The following TACR1 variants were observed in gnomAD, a reference collection of about 807,000 sequenced individuals.
TACR1 encodes the protein tachykinin receptor 1.
In TACR1, 25 loss-of-function variants were observed where a neutral mutation model predicts 35.8. That is an observed-to-expected ratio of 0.70 (90% CI 0.51 to 0.98). The LOEUF (loss-of-function observed/expected upper bound fraction) is 0.98, where lower values mean the gene tolerates loss of function less well. TACR1 is among the 50% of genes least tolerant of loss of function. TACR1 has a pLI of 0.00. For synonymous variants in TACR1, 195 were observed against 206.7 expected (o/e 0.94, Z 0.48); for missense variants, 478 against 522.9 (o/e 0.91, Z 0.84).
intron 2 of TACR1, among the ~76,000 whole-genome samples, chr2:75,079,174 C>T (rs1395928802): frequency 6.6e-6 from 1 of 152,150 alleles, no homozygotes; most frequent in South Asian, 2.1e-4. Context: ...TAATTTTGCT[C>T]TCTGGAGCAA....
At position 75,073,342 on chromosome 2, in the gene TACR1, A is replaced by G. The variant is rs1341302366; in HGVS notation, c.585-19587T>C. 6.6e-5 allele frequency among the ~76,000 whole-genome samples: 10 copies of G among 152,342 alleles called. No homozygotes were observed. In the South Asian group the frequency reaches 1.7e-3, roughly 25 times the overall value. On this transcript the variant is annotated intron_variant, in intron 2 of 4. Transcript: ENST00000305249. The stretch of plus-strand genomic sequence containing the variant: ...ATTCTCACACAGTCACTTTATTTCT[A>G]AGAGGAGAAGAATGGAGTAGTAGGT...
chr2:75,085,420 T>C (rs190377870), intron 2 of TACR1, among the ~76,000 whole-genome samples: 96 of 152,316 alleles, frequency 6.3e-4, no homozygotes, highest in African/African-American at 2.2e-3. Context: ...AATTGGTCTG[T>C]TACTGCGCAA....
At chr2:75,196,523 C>A (rs1675978721) in intron 1 of TACR1, among the ~76,000 whole-genome samples, 1 of 152,132 alleles carries the variant, frequency 6.6e-6, no homozygotes. Context: ...GCTCTGGCAT[C>A]CGAGACCTTT....
intron 1 of TACR1, among the ~76,000 whole-genome samples, chr2:75,143,054 A>T (rs576560076): frequency 1.3e-5 from 2 of 152,224 alleles, no homozygotes; most frequent in African/African-American, 4.8e-5. Flanking sequence ...AGAATTACAG[A>T]CAAGCAAGTT....
intron 1 of TACR1, among the ~76,000 whole-genome samples, chr2:75,146,532 TATTTGGCTTCTAGGAG>T (rs2103957320): frequency 6.6e-6 from 1 of 152,314 alleles, no homozygotes; most frequent in East Asian, 1.9e-4. Context: ...GAGTCCGCTG[TATTTGGCTTCTAGGAG>T]ATTACTGGTC....
At chr2:75,193,619 T>C (rs1437153781) in intron 1 of TACR1, among the ~76,000 whole-genome samples, 1 of 152,204 alleles carries the variant, frequency 6.6e-6, no homozygotes, top group Admixed American at 6.5e-5. Flanking sequence ...TCCATGCTTC[T>C]GTCATACAGC....
chr2:75,146,971 A>G (rs938663042), intron 1 of TACR1, among the ~76,000 whole-genome samples: 1 of 152,158 alleles, frequency 6.6e-6, no homozygotes. Context: ...CCCTTTTAAC[A>G]CAGAAACACA....
chr2:75,110,083 C>T (rs994918202), intron 2 of TACR1, among the ~76,000 whole-genome samples: 1 of 151,908 alleles, frequency 6.6e-6, no homozygotes, highest in Non-Finnish European at 1.5e-5. Flanking sequence ...CGAAATGAAG[C>T]ATTACAATAA....
intron 2 of TACR1, among the ~76,000 whole-genome samples, chr2:75,072,927 G>C (rs1188055530): frequency 6.6e-6 from 1 of 151,712 alleles, no homozygotes; most frequent in Non-Finnish European, 1.5e-5. Flanking sequence ...TATTCTGCCA[G>C]ATAAAAACAT....
At chr2:75,124,140 G>A (rs1477514242) in intron 1 of TACR1, among the ~76,000 whole-genome samples, 2 of 152,190 alleles carry the variant, frequency 1.3e-5, no homozygotes, top group African/African-American at 4.8e-5. Flanking sequence ...GTCCCACTGA[G>A]GGCCATCAGG....
chr2:75,108,670 C>A (rs1673695410), intron 2 of TACR1, among the ~76,000 whole-genome samples: 1 of 151,882 alleles, frequency 6.6e-6, no homozygotes, highest in Non-Finnish European at 1.5e-5. Flanking sequence ...AGAGGCATAA[C>A]CACTAGAAAG....
At chr2:75,084,536 G>A (rs537925732) in intron 2 of TACR1, among the ~76,000 whole-genome samples, 9 of 152,312 alleles carry the variant, frequency 5.9e-5, no homozygotes, top group Admixed American at 5.9e-4. Flanking sequence ...GGTAGAATTC[G>A]GCTGTGAGTC....
intron 1 of TACR1, among the ~76,000 whole-genome samples, chr2:75,137,756 A>G (rs1025765773): frequency 5.0e-4 from 71 of 140,624 alleles, no homozygotes; most frequent in African/African-American, 1.7e-3. Context: ...AAAAAAAAAA[A>G]GAAAAAATAA....
intron 2 of TACR1, among the ~76,000 whole-genome samples, chr2:75,110,643 A>T (rs1390106841): frequency 6.6e-6 from 1 of 151,948 alleles, no homozygotes; most frequent in African/African-American, 2.4e-5. Context: ...TGATCATAAT[A>T]TATGATCGGT....
intron 1 of TACR1, among the ~76,000 whole-genome samples, chr2:75,171,793 G>T (rs144204511): frequency 6.2e-4 from 95 of 152,150 alleles, no homozygotes; most frequent in African/African-American, 2.3e-3. Context: ...ACTTGGAATG[G>T]GTTTATTTAC....
chr2:75,106,393 T>C (rs923612643), intron 2 of TACR1, among the ~76,000 whole-genome samples: 7 of 152,064 alleles, frequency 4.6e-5, no homozygotes, highest in Non-Finnish European at 1.0e-4. Flanking sequence ...TGAAAAACTC[T>C]ACTGTAGACT....
At chr2:75,113,432 T>C (rs770790700) in intron 2 of TACR1, among the ~76,000 whole-genome samples, 3 of 152,088 alleles carry the variant, frequency 2.0e-5, no homozygotes, top group Non-Finnish European at 4.4e-5. Context: ...TGGCGCTATC[T>C]GCACAATGTC....
chr2:75,183,181 A>G (rs964033419), intron 1 of TACR1, among the ~76,000 whole-genome samples: 2 of 152,238 alleles, frequency 1.3e-5, no homozygotes, highest in East Asian at 1.9e-4. Flanking sequence ...CTTGACTTGT[A>G]TTAAAAATAA....
At chr2:75,133,791 A>G (rs554029831) in intron 1 of TACR1, among the ~76,000 whole-genome samples, 7 of 151,980 alleles carry the variant, frequency 4.6e-5, no homozygotes, top group Non-Finnish European at 8.8e-5. Flanking sequence ...TGAGGCTGAA[A>G]CCTACCGGGC....
Sources: gnomAD v4.1 joint callset for allele counts (sites outside exome capture counted in the v4.1 genomes callset) on GRCh38, gnomAD v4.1.1 for gene constraint, MANE v1.5 for transcripts, NCBI Gene and HGNC (gene_info 2026-07-23, HGNC 2026-07-21) for gene names.